Variants in KLHL7 observed in about 807,000 individuals in gnomAD.
KLHL7 encodes kelch like family member 7.
Under a neutral mutation model 67.4 loss-of-function variants are expected in KLHL7, and 44 were observed. The observed-to-expected ratio is 0.65, with a 90% CI of 0.51 to 0.84. KLHL7 has a LOEUF of 0.84. Ranked by LOEUF, KLHL7 falls within the 40% of genes least tolerant of loss-of-function variation. The probability of loss-of-function intolerance (pLI) is 0.00; values close to 1 mark genes in which losing one functional copy is unlikely to be tolerated. For missense variants in KLHL7, 362 were observed against 718.1 expected (o/e 0.50, Z 5.67); for synonymous variants, 252 against 243.3 (o/e 1.04, Z -0.33).
intron 1 of KLHL7, among the ~76,000 whole-genome samples, chr7:23,114,692 T>TTATTTAAA (rs1362410897): frequency 2.0e-5 from 3 of 152,224 alleles, no homozygotes; most frequent in Non-Finnish European, 4.4e-5. Context: ...GAATACCAGC[T>TTATTTAAA]TAAGAGGTTA....
At chr7:23,115,706 G>A (rs918579593) in intron 1 of KLHL7, among the ~76,000 whole-genome samples, 7 of 151,796 alleles carry the variant, frequency 4.6e-5, no homozygotes, top group Non-Finnish European at 8.8e-5. Flanking sequence ...CACCACACCC[G>A]GCTAATTTTT....
chr7:23,146,670 T>C (rs936231171), intron 6 of KLHL7, among the ~76,000 whole-genome samples: 56 of 152,056 alleles, frequency 3.7e-4, no homozygotes, highest in African/African-American at 1.3e-3. Context: ...CTTCTTCTTT[T>C]TTTTTTAATT....
At chr7:23,155,488 C>T (rs560978892) in intron 7 of KLHL7, among the ~76,000 whole-genome samples, 1 of 151,760 alleles carries the variant, frequency 6.6e-6, no homozygotes, top group African/African-American at 2.4e-5. Flanking sequence ...CATGGTGAAA[C>T]CCCATCTCTA....
intron 4 of KLHL7, among the ~76,000 whole-genome samples, chr7:23,133,168 T>C (rs1275825142): frequency 6.6e-6 from 1 of 152,192 alleles, no homozygotes; most frequent in African/African-American, 2.4e-5. Flanking sequence ...TTTTTTCTAC[T>C]TCTGTGAAGA....
Position 23,167,947 on chromosome 7 carries a change from G to T in KLHL7, c.1289G>T (p.Gly430Val). 6.2e-7 allele frequency: 1 copy of T among 1,614,212 alleles called. No individual in the cohort carries two copies. The highest frequency in any genetic ancestry group is 1.1e-5 in the South Asian group (1 of 91,090). The stretch of plus-strand genomic sequence containing the variant: ...AGCCATGGGATGGTGGAAGCCAATG[G>T]CCTAATCTATGTTTGTGGTGGAAGT... ...RCSHGMVEAN[G>V]LIYVCGGSLG... The change falls in exon 9 of 11, where the codon GGC (glycine) becomes GTC (valine). Residue 430 changes from glycine to valine, a missense_variant. Around this residue, in one of 5 missense-constraint regions of KLHL7, gnomAD observed 136 missense variants for 252.7 expected, o/e 0.54. Coordinates refer to ENST00000339077, the MANE Select transcript of KLHL7 (RefSeq NM_001031710.3).
At chr7:23,154,799 C>A (rs1037381422) in intron 7 of KLHL7, among the ~76,000 whole-genome samples, 1 of 152,164 alleles carries the variant, frequency 6.6e-6, no homozygotes, top group Non-Finnish European at 1.5e-5. Context: ...AAAGTGTTAG[C>A]TATATGGCAA....
intron 1 of KLHL7, among the ~76,000 whole-genome samples, chr7:23,123,327 G>A (rs1345560492): frequency 6.6e-6 from 1 of 152,164 alleles, no homozygotes; most frequent in Non-Finnish European, 1.5e-5. Flanking sequence ...TGCAGTGTAT[G>A]TTCTCAATTT....
intron 4 of KLHL7, among the ~76,000 whole-genome samples, chr7:23,128,776 T>C (rs964758206): frequency 6.6e-6 from 1 of 152,152 alleles, no homozygotes; most frequent in Non-Finnish European, 1.5e-5. Flanking sequence ...CTGGCAACCA[T>C]GAATCTGCTT....
At chr7:23,124,084 T>C (rs899453895) in intron 2 of KLHL7, among the ~76,000 whole-genome samples, 3 of 150,098 alleles carry the variant, frequency 2.0e-5, no homozygotes, top group Non-Finnish European at 2.9e-5. Context: ...CCTTTATTGA[T>C]GGAGGTACAG....
At chr7:23,172,905 T>G in intron 9 of KLHL7, 43 bp from the exon 10 acceptor site, 1 of 1,396,034 alleles carries the variant, frequency 7.2e-7, no homozygotes, top group Non-Finnish European at 1.0e-6. Flanking sequence ...TGAGTTCTTT[T>G]ACTTCCTGTA....
chr7:23,135,581 A>C (rs1783947993), intron 4 of KLHL7, among the ~76,000 whole-genome samples: 1 of 152,226 alleles, frequency 6.6e-6, no homozygotes, highest in Non-Finnish European at 1.5e-5. Flanking sequence ...CTTTCTAAAA[A>C]TGTTGTGACC....
At position 23,177,773 on chromosome 7, in the gene KLHL7, A is replaced by T. The variant is rs1424374931; in HGVS notation, c.*3475A>T. ...TGCTATTTGAAAAAAACAAAACAAA[A>T]CATATACTTGTGACTTTGTGGTCCA... On this transcript the variant is annotated 3_prime_UTR_variant, in exon 11 of 11. Transcript: ENST00000339077. 6.6e-6 allele frequency: 1 copy of T among 152,198 alleles called. No homozygotes were observed. The highest frequency in any genetic ancestry group is 1.5e-5 in the Non-Finnish European group (1 of 68,034). 9.4% of individuals were successfully genotyped at this position (152,198 alleles called of 1,614,324 possible).
intron 4 of KLHL7, among the ~76,000 whole-genome samples, chr7:23,126,846 A>C (rs1029308621): frequency 2.0e-4 from 30 of 152,192 alleles, no homozygotes; most frequent in African/African-American, 7.2e-4. Context: ...AGAAATAGCT[A>C]TGCAGGTGAA....
chr7:23,110,987 G>A (rs916530847), intron 1 of KLHL7, among the ~76,000 whole-genome samples: 2 of 151,818 alleles, frequency 1.3e-5, no homozygotes, highest in Non-Finnish European at 2.9e-5. Flanking sequence ...CTAGATTCTG[G>A]GGTTGCAATG....
At chr7:23,106,201 C>A (rs975960331) in intron 1 of KLHL7, 55 bp downstream of exon 1, 24 of 1,588,172 alleles carry the variant, frequency 1.5e-5, no homozygotes, top group Non-Finnish European at 1.9e-5. Flanking sequence ...GGGGCTCGGG[C>A]CCCTGGTTCC....
At chr7:23,162,483 C>T (rs1311846724) in intron 7 of KLHL7, among the ~76,000 whole-genome samples, 1 of 152,124 alleles carries the variant, frequency 6.6e-6, no homozygotes, top group Non-Finnish European at 1.5e-5. Flanking sequence ...AGGGAAGAGA[C>T]CTTTGGTCAT....
intron 1 of KLHL7, among the ~76,000 whole-genome samples, chr7:23,114,826 A>G (rs372441952): frequency 2.0e-5 from 3 of 152,156 alleles, no homozygotes; most frequent in African/African-American, 7.2e-5. Context: ...CCAAGGTGTC[A>G]TAGCTCTCTA....
At position 23,123,837 on chromosome 7, in the gene KLHL7, G is replaced by T; in HGVS notation, c.181G>T (p.Val61Phe). Residue 61 changes from valine (V) to phenylalanine (F), a missense_variant, in exon 2 of 11, where the codon GTT becomes TTT. Coordinates refer to ENST00000339077, the MANE Select transcript of KLHL7 (RefSeq NM_001031710.3). ...QERKIPAHRV[V>F]LAAASHFFNL... ...AAGAAAGATACCTGCTCATCGTGTT[G>T]TTCTTGCTGCAGCCAGTCATTTTTT... is the stretch of plus-strand genomic sequence containing the variant. The T allele has an allele frequency of 6.2e-7, 1 of 1,613,724 alleles. No individual in the cohort carries two copies. The highest frequency in any genetic ancestry group is 8.5e-7 in the Non-Finnish European group (1 of 1,179,906).
chr7:23,117,876 G>T, intron 1 of KLHL7: 1 of 1,613,740 alleles, frequency 6.2e-7, no homozygotes, highest in Non-Finnish European at 8.5e-7. Flanking sequence ...TCTACAATCT[G>T]CTCAGGGATT....
Sources: gnomAD v4.1 joint callset for allele counts (sites outside exome capture counted in the v4.1 genomes callset) on GRCh38, gnomAD v4.1.1 for gene constraint, gnomAD v4.1.1 regional missense constraint, MANE v1.5 for transcripts, NCBI Gene and HGNC (gene_info 2026-07-23, HGNC 2026-07-21) for gene names.